Variants in EPHA4 observed in about 807,000 individuals in gnomAD.
EPHA4 encodes ephrin type-A receptor 4.
EPHA4 carries 19 observed loss-of-function variants against 108.3 expected under a neutral mutation model. That is an observed-to-expected ratio of 0.18 (90% CI 0.12 to 0.26). The LOEUF (loss-of-function observed/expected upper bound fraction) is 0.26. Ranked by LOEUF, EPHA4 falls within the 10% of genes least tolerant of loss-of-function variation. The pLI, the probability that EPHA4 is intolerant of heterozygous loss-of-function variation, is 1.00. For synonymous variants in EPHA4, 449 were observed against 455.5 expected (o/e 0.99, Z 0.18); for missense variants, 917 against 1,254.0 (o/e 0.73, Z 4.06).
Position 221,426,108 on chromosome 2 carries a change from G to A in EPHA4, c.2881C>T (p.His961Tyr), listed in dbSNP as rs750286180. ...ACACTGCTCAAAATCTTATTCTGGTGCGTGATGGCTGTGATACCAATTCTT... is the reference window on the plus strand; with the variant it reads ...ACACTGCTCAAAATCTTATTCTGGTACGTGATGGCTGTGATACCAATTCTT... ...LARIGITAIT[H>Y]QNKILSSVQA... The change falls in exon 17 of 18, where the codon CAC becomes TAC. Residue 961 changes from histidine (H) to tyrosine (Y), a missense_variant. By Grantham distance (83) the His-to-Tyr change is moderately conservative. Transcript: ENST00000281821. 3.7e-6 allele frequency: 6 copies of A among 1,613,924 alleles called. No individual in the cohort carries two copies. Among genetic ancestry groups the A allele is most frequent in the African/African-American group, 1.3e-5 (1 of 74,864 alleles).
intron 5 of EPHA4, among the ~76,000 whole-genome samples, chr2:221,462,014 C>T (rs373030365): frequency 3.0e-5 from 4 of 132,530 alleles, no homozygotes; most frequent in South Asian, 2.4e-4. Flanking sequence ...ATTCTTACTA[C>T]AAGAAAGAGA....
chr2:221,494,373 G>A (rs191037342), intron 4 of EPHA4, among the ~76,000 whole-genome samples: 249 of 152,346 alleles, frequency 1.6e-3, no homozygotes, highest in Middle Eastern at 6.8e-3. Context: ...GGAGGCCTAG[G>A]CGGGCGGATC....
At chr2:221,567,648 C>T (rs1694714241) in intron 2 of EPHA4, among the ~76,000 whole-genome samples, 1 of 152,192 alleles carries the variant, frequency 6.6e-6, no homozygotes, top group Non-Finnish European at 1.5e-5. Context: ...CTAAAATTCT[C>T]CATTTTCATG....
At chr2:221,549,443 C>A (rs1559289515) in intron 3 of EPHA4, among the ~76,000 whole-genome samples, 3 of 152,268 alleles carry the variant, frequency 2.0e-5, no homozygotes, top group South Asian at 4.1e-4. Flanking sequence ...TTCACTCTCC[C>A]CTCTCTCTCT....
chr2:221,566,843 AGAAGG>A, intron 2 of EPHA4, among the ~76,000 whole-genome samples: 1 of 45,540 alleles, frequency 2.2e-5, no homozygotes, highest in Non-Finnish European at 3.5e-5. Context: ...GAGAAGAAGG[AGAAGG>A]AGAAGGAGAA....
At chr2:221,570,326 CA>C (rs575235831) in intron 1 of EPHA4, among the ~76,000 whole-genome samples, 72 of 103,214 alleles carry the variant, frequency 7.0e-4, no homozygotes, top group Middle Eastern at 5.8e-3. Context: ...CCCCCCCCCC[CA>C]AAAAAAGAGG....
intron 5 of EPHA4, among the ~76,000 whole-genome samples, chr2:221,461,101 T>C (rs1691123246): frequency 6.6e-6 from 1 of 152,212 alleles, no homozygotes; most frequent in Non-Finnish European, 1.5e-5. Flanking sequence ...TAGCCAGTGC[T>C]AGAGAAACAA....
At chr2:221,548,558 T>A (rs1574652205) in intron 3 of EPHA4, among the ~76,000 whole-genome samples, 1 of 152,020 alleles carries the variant, frequency 6.6e-6, no homozygotes. Context: ...TTTTTTTTTT[T>A]AATAAATCAC....
chr2:221,435,326 T>C (rs1690198574), intron 13 of EPHA4, among the ~76,000 whole-genome samples: 1 of 152,186 alleles, frequency 6.6e-6, no homozygotes, highest in Admixed American at 6.5e-5. Flanking sequence ...CTCCTTTAAC[T>C]TTTCTTTCTC....
chr2:221,555,179 G>T (rs1308447285), intron 3 of EPHA4, among the ~76,000 whole-genome samples: 2 of 152,302 alleles, frequency 1.3e-5, no homozygotes, highest in East Asian at 3.9e-4. Context: ...GGGCAGAGGT[G>T]CATAAAAAGA....
At chr2:221,551,503 GAAGA>G (rs538067938) in intron 3 of EPHA4, among the ~76,000 whole-genome samples, 2 of 152,084 alleles carry the variant, frequency 1.3e-5, no homozygotes, top group African/African-American at 2.4e-5. Flanking sequence ...TGGTTCTCTA[GAAGA>G]AAGATCTAAC....
intron 11 of EPHA4, among the ~76,000 whole-genome samples, chr2:221,439,966 C>T (rs1690366422): frequency 2.0e-5 from 3 of 152,170 alleles, no homozygotes; most frequent in African/African-American, 7.2e-5. Context: ...CTCTTGGCAC[C>T]ATCTTCACAA....
chr2:221,442,741 G>T, intron 11 of EPHA4, 88 bp downstream of exon 11: 2 of 1,376,816 alleles, frequency 1.5e-6, no homozygotes, highest in Non-Finnish European at 2.0e-6. Flanking sequence ...GTGGGTCTGC[G>T]CCATCTGTCA....
chr2:221,568,626 A>G, intron 2 of EPHA4, 92 bp downstream of exon 2: 1 of 1,027,320 alleles, frequency 9.7e-7, no homozygotes, highest in Non-Finnish European at 1.5e-6. Flanking sequence ...CCCCCTCACC[A>G]CAATCAACAA....
chr2:221,547,739 C>CA (rs1349380435), intron 3 of EPHA4, among the ~76,000 whole-genome samples: 2 of 152,152 alleles, frequency 1.3e-5, no homozygotes, highest in East Asian at 3.9e-4. Flanking sequence ...TAACAGTTCT[C>CA]AAGTGTGTAA....
At chr2:221,526,755 G>C (rs1693336475) in intron 3 of EPHA4, among the ~76,000 whole-genome samples, 3 of 150,772 alleles carry the variant, frequency 2.0e-5, no homozygotes. Context: ...GCTGAGGCAG[G>C]AGAATTGCTC....
chr2:221,478,600 T>G (rs1004643068), intron 5 of EPHA4, among the ~76,000 whole-genome samples: 1 of 152,152 alleles, frequency 6.6e-6, no homozygotes, highest in African/African-American at 2.4e-5. Flanking sequence ...ACCCCCACCC[T>G]TACTCTTTTC....
chr2:221,536,657 T>C (rs955187172), intron 3 of EPHA4, among the ~76,000 whole-genome samples: 2 of 152,212 alleles, frequency 1.3e-5, no homozygotes, highest in Non-Finnish European at 2.9e-5. Context: ...GGTTATTATA[T>C]ACCCAGTTTA....
At chr2:221,521,542 C>A (rs1296715276) in intron 3 of EPHA4, among the ~76,000 whole-genome samples, 4 of 152,126 alleles carry the variant, frequency 2.6e-5, no homozygotes, top group East Asian at 1.9e-4. Flanking sequence ...CTACTAGAGG[C>A]AGAGATTTGG....
Sources: gnomAD v4.1 joint callset for allele counts (sites outside exome capture counted in the v4.1 genomes callset) on GRCh38, gnomAD v4.1.1 for gene constraint, MANE v1.5 for transcripts, NCBI Gene and HGNC (gene_info 2026-07-23, HGNC 2026-07-21) for gene names.